Variants in KCNMA1 observed in about 807,000 individuals in gnomAD.
KCNMA1 encodes the protein Calcium-activated potassium channel subunit alpha-1.
A neutral mutation model predicts 140.0 loss-of-function variants in KCNMA1; 29 were observed. That is an observed-to-expected ratio of 0.21 (90% confidence interval 0.15 to 0.28). KCNMA1 has a LOEUF of 0.28. KCNMA1 is among the 10% of genes least tolerant of loss of function. KCNMA1 has a pLI of 1.00. For missense variants in KCNMA1, 880 were observed against 1,602.2 expected, an observed-to-expected ratio of 0.55 and a Z score of 7.70; for synonymous variants, 612 against 611.9, an observed-to-expected ratio of 1.00 and a Z score of 0.00.
Position 77,637,455 on chromosome 10 carries a change from T to A in KCNMA1, c.188A>T (p.Glu63Val). 6.8e-6 allele frequency: 11 copies of A among 1,612,738 alleles called. No homozygotes were observed. The highest frequency in any genetic ancestry group is 9.3e-6 in the Non-Finnish European group (11 of 1,179,528). The change falls in exon 1 of 28, where the codon GAG becomes GTG. Residue 63 changes from glutamate (E) to valine (V), a missense_variant. This residue lies in a region of KCNMA1 where 94 missense variants were observed against 92.4 expected (regional missense o/e 1.02). Coordinates refer to ENST00000286628, the MANE Select transcript of KCNMA1 (RefSeq NM_001161352.2). ...GATGATGAGCGCATCCATCTTGGGC[T>A]CGTGGACCGAGGACGAGGAGGAAGA... is the stretch of plus-strand genomic sequence containing the variant. The part of the protein sequence containing the change: ...SSSSSSSSVH[E>V]PKMDALIIPV...
intron 3 of KCNMA1, among the ~76,000 whole-genome samples, chr10:77,235,391 T>G (rs1330510486): frequency 6.6e-6 from 1 of 152,116 alleles, no homozygotes; most frequent in Admixed American, 6.5e-5. Flanking sequence ...GAGACAGATA[T>G]TCTCCTTACT....
chr10:76,988,301 A>T (rs1407406535), intron 19 of KCNMA1, among the ~76,000 whole-genome samples: 1 of 152,140 alleles, frequency 6.6e-6, no homozygotes, highest in Non-Finnish European at 1.5e-5. Context: ...ATCAACAAGA[A>T]ACAGAGCCCA....
intron 14 of KCNMA1, among the ~76,000 whole-genome samples, chr10:77,058,294 C>G (rs2153658708): frequency 6.6e-6 from 1 of 152,074 alleles, no homozygotes; most frequent in South Asian, 2.1e-4. Context: ...CTAAAGTAGA[C>G]AAATCCACAG....
At chr10:77,388,780 C>T (rs1240972150) in intron 2 of KCNMA1, among the ~76,000 whole-genome samples, 2 of 152,162 alleles carry the variant, frequency 1.3e-5, no homozygotes, top group African/African-American at 4.8e-5. Context: ...TGTATCTCTC[C>T]ATCTCAGCCC....
intron 6 of KCNMA1, among the ~76,000 whole-genome samples, chr10:77,117,561 A>AAAG (rs1554837396): frequency 1.4e-5 from 2 of 147,610 alleles, no homozygotes; most frequent in African/African-American, 5.2e-5. Context: ...AAAAAAAAAA[A>AAAG]AAAAGAAAAG....
intron 3 of KCNMA1, among the ~76,000 whole-genome samples, chr10:77,203,819 A>G (rs7080704): frequency 0.32 from 49,047 of 151,974 alleles, 8,366 homozygotes; most frequent in Non-Finnish European, 0.35. Context: ...AAATTAGGCT[A>G]GGCGTGATGG....
chr10:77,580,344 G>A, intron 1 of KCNMA1, among the ~76,000 whole-genome samples: 1 of 145,328 alleles, frequency 6.9e-6, no homozygotes, highest in East Asian at 2.0e-4. Context: ...TGGCGCCACT[G>A]CACTCCAGCC....
chr10:77,505,851 G>A (rs1762379122), intron 1 of KCNMA1, among the ~76,000 whole-genome samples: 1 of 152,200 alleles, frequency 6.6e-6, no homozygotes, highest in African/African-American at 2.4e-5. Flanking sequence ...GTAGTAAGAT[G>A]TATGACTAAT....
rs17415304 is a variant in KCNMA1, at chr10:77,599,866, C to T, written c.378+37399G>A. On this transcript the variant is annotated intron_variant, in intron 1 of 27. Coordinates refer to ENST00000286628, the MANE Select transcript of KCNMA1 (RefSeq NM_001161352.2). ...CCGCCAGCCTGAGCCCCTGATGGTC[C>T]GTCCTCCTGTGTGCCACCCCTCCTC... Among the ~76,000 whole-genome samples the T allele has an allele frequency of 9.1e-3, 1,390 of 152,234 alleles. 13 individuals are homozygous for T. The highest frequency in any genetic ancestry group is 0.053 in the East Asian group (273 of 5,170).
chr10:76,941,335 G>T (rs1225998984), intron 23 of KCNMA1, among the ~76,000 whole-genome samples: 1 of 152,174 alleles, frequency 6.6e-6, no homozygotes, highest in Non-Finnish European at 1.5e-5. Flanking sequence ...CAGGCCAGTG[G>T]GCACTCCAGT....
chr10:76,940,998 A>AAGGAAGGAAGG (rs2061823952), intron 23 of KCNMA1, among the ~76,000 whole-genome samples: 3 of 63,302 alleles, frequency 4.7e-5, no homozygotes, highest in South Asian at 4.7e-4. Context: ...AGAGAGAAAG[A>AAGGAAGGAAGG]AAGGAAGGAA....
intron 1 of KCNMA1, among the ~76,000 whole-genome samples, chr10:77,573,018 C>T (rs2072277756): frequency 6.6e-6 from 1 of 152,148 alleles, no homozygotes; most frequent in Non-Finnish European, 1.5e-5. Flanking sequence ...GCAGCTTCCA[C>T]TCACCACCAG....
At chr10:77,078,645 A>G (rs1259015170) in intron 13 of KCNMA1, among the ~76,000 whole-genome samples, 1 of 152,224 alleles carries the variant, frequency 6.6e-6, no homozygotes, top group Non-Finnish European at 1.5e-5. Context: ...CTGGTCTCAG[A>G]TAGAGAAATC....
chr10:76,911,411 T>C (rs2050179814), intron 24 of KCNMA1: 1 of 152,208 alleles, frequency 6.6e-6, no homozygotes, highest in African/African-American at 2.4e-5. Context: ...AGGCTAGTGG[T>C]GAAAGTCCAA....
chr10:76,897,448 A>C (rs2043075053), intron 25 of KCNMA1, among the ~76,000 whole-genome samples: 1 of 152,108 alleles, frequency 6.6e-6, no homozygotes, highest in Non-Finnish European at 1.5e-5. Context: ...TAGAAAATGT[A>C]AGAGGAATGT....
At chr10:77,102,250 A>G (rs771262864) in intron 9 of KCNMA1, among the ~76,000 whole-genome samples, 10 of 152,234 alleles carry the variant, frequency 6.6e-5, no homozygotes, top group Non-Finnish European at 1.3e-4. Flanking sequence ...GCTCTGGCAC[A>G]CTAGACAATT....
rs572827902 is a variant in KCNMA1, at chr10:77,637,505, A to AGAGGAG, written c.132_137dup (p.Ser59_Ser60dup). The AGAGGAG allele has an allele frequency of 2.4e-5, 38 of 1,572,856 alleles. No individual in the cohort carries two copies. The highest frequency in any genetic ancestry group is 4.1e-5 in the African/African-American group (3 of 73,822). On this transcript the variant is annotated inframe_insertion, in exon 1 of 28. Coordinates refer to ENST00000286628, the MANE Select transcript of KCNMA1 (RefSeq NM_001161352.2). ...AGGAGGAGGAAGAAGAAGAAGAGGA[A>AGAGGAG]GAGGAGGAGGAGGAGGAGGAGGACG...
intron 1 of KCNMA1, among the ~76,000 whole-genome samples, chr10:77,593,705 C>T (rs1263754944): frequency 2.0e-5 from 3 of 152,200 alleles, no homozygotes; most frequent in Non-Finnish European, 4.4e-5. Context: ...TTAGGAGTGA[C>T]GGTGCTCAGC....
At chr10:77,227,198 C>T (rs1437411175) in intron 3 of KCNMA1, among the ~76,000 whole-genome samples, 1 of 152,046 alleles carries the variant, frequency 6.6e-6, no homozygotes, top group Non-Finnish European at 1.5e-5. Context: ...AAAATTTTTC[C>T]CCATTAAGTT....
Sources: allele counts gnomAD v4.1 joint callset (sites outside exome capture counted in the v4.1 genomes callset), GRCh38; gene constraint gnomAD v4.1.1; regional missense constraint gnomAD v4.1.1; transcripts MANE v1.5; gene names NCBI Gene and HGNC (gene_info 2026-07-23, HGNC 2026-07-21).